MYOM2: variants seen among roughly 807,000 people sequenced by gnomAD.
The protein encoded by MYOM2 is myomesin 2, also known as myomesin-2.
A neutral mutation model predicts 187.6 loss-of-function variants in MYOM2; 254 were observed. The ratio of observed to expected loss-of-function variants is 1.35; its 90% CI spans 1.22 to 1.50. The LOEUF (loss-of-function observed/expected upper bound fraction) is 1.50. Ranked by LOEUF, MYOM2 falls within the 40% of genes most tolerant of loss-of-function variation. MYOM2 has a pLI of 0.00. For missense variants in MYOM2, 2,796 were observed against 1,924.0 expected (o/e 1.45, Z -8.48); for synonymous variants, 981 against 753.8 (o/e 1.30, Z -4.94).
intron 21 of MYOM2, 130 bp from the exon 22 acceptor site, chr8:2,106,112 C>T: frequency 2.2e-6 from 2 of 914,220 alleles, no homozygotes; most frequent in Non-Finnish European, 1.7e-6. Flanking sequence ...ACTCCCTCTA[C>T]ACTTGGGGAT....
intron 25 of MYOM2, among the ~76,000 whole-genome samples, chr8:2,115,287 A>G (rs1797203226): frequency 6.6e-6 from 1 of 152,226 alleles, no homozygotes; most frequent in African/African-American, 2.4e-5. Context: ...AATCAGAGGG[A>G]AACAAAAGAT....
At position 2,069,477 on chromosome 8, in the gene MYOM2, C is replaced by T. The variant is rs567616599; in HGVS notation, c.773C>T (p.Ser258Leu). 1.9e-5 allele frequency: 30 copies of T among 1,614,172 alleles called. 1 individual carries two copies. The highest frequency in any genetic ancestry group is 3.3e-5 in the Admixed American group (2 of 60,032). ...CGGGGAGACGAGGAACCATTCCGTT[C>T]GGTGGGACTCCCGATTGGATGTAAG... ...RFRGDEEPFR[S>L]VGLPIGLPLS... The change falls in exon 8 of 37, where the codon TCG (serine) becomes TTG (leucine). Residue 258 changes from serine (S) to leucine (L), a missense_variant. Transcript: ENST00000262113.
intron 6 of MYOM2, among the ~76,000 whole-genome samples, chr8:2,066,818 T>C (rs1819034947): frequency 6.6e-6 from 1 of 152,232 alleles, no homozygotes; most frequent in South Asian, 2.1e-4. Flanking sequence ...ACACTGTTGC[T>C]TTGCACCTGG....
rs1234140730 is a variant in MYOM2, at chr8:2,073,419, A to G, written c.1039A>G (p.Lys347Glu). ...QASLSFSHLH[K>E]DDEGLYTLRI... ...CTCCCTGTCCTTCAGCCACCTGCAC[A>G]AGGACGACGAGGGCCTGTACACCCT... Residue 347 changes from lysine (K) to glutamate (E), a missense_variant, in exon 10 of 37, where the codon AAG becomes GAG. Lys to Glu is a moderately conservative substitution (Grantham distance 56). Coordinates refer to ENST00000262113, the MANE Select transcript of MYOM2 (RefSeq NM_003970.4). 2 of 1,613,024 alleles carry G rather than the reference A, an allele frequency of 1.2e-6. No homozygotes were observed. The highest frequency in any genetic ancestry group is 1.7e-6 in the Non-Finnish European group (2 of 1,179,804).
At chr8:2,046,430 A>G (rs1378851198) in intron 1 of MYOM2, among the ~76,000 whole-genome samples, 1 of 152,162 alleles carries the variant, frequency 6.6e-6, no homozygotes, top group African/African-American at 2.4e-5. Context: ...GGACGCTGTC[A>G]GGAGAGTCAG....
chr8:2,097,339 A>G (rs1204403814), intron 18 of MYOM2, among the ~76,000 whole-genome samples: 1 of 152,192 alleles, frequency 6.6e-6, no homozygotes, highest in Non-Finnish European at 1.5e-5. Flanking sequence ...AATGTTCTCA[A>G]CTTAAAAATT....
chr8:2,076,990 G>T (rs974382423), intron 11 of MYOM2, among the ~76,000 whole-genome samples: 2 of 152,184 alleles, frequency 1.3e-5, no homozygotes, highest in African/African-American at 4.8e-5. Flanking sequence ...TGAAGAAAAT[G>T]AATTTAGAAA....
Position 2,078,797 on chromosome 8 carries a change from C to A in MYOM2, c.1326C>A (p.Tyr442Ter), listed in dbSNP as rs553300632. ...ATGCACCGGTGAAAATCTGCAAATACCCGGTCACAGGGCTTTTTGAAGGAA... is the reference window on the plus strand; with the variant it reads ...ATGCACCGGTGAAAATCTGCAAATAACCGGTCACAGGGCTTTTTGAAGGAA... Reference protein sequence around the residue: ...CNDAPVKICKYPVTGLFEGRS... With the variant: ...CNDAPVKICK Residue 442 changes from tyrosine (Y) to a stop codon, truncating the protein, a stop_gained, in exon 12 of 37, where the codon TAC becomes TAA. Transcript: ENST00000262113. LOFTEE classifies it high-confidence loss of function. 3 of 1,614,024 alleles carry A rather than the reference C, an allele frequency of 1.9e-6. No homozygotes were observed. Among genetic ancestry groups the A allele is most frequent in the African/African-American group, 1.3e-5 (1 of 74,914 alleles).
At chr8:2,093,316 C>T (rs1796372606) in intron 16 of MYOM2, among the ~76,000 whole-genome samples, 2 of 152,114 alleles carry the variant, frequency 1.3e-5, no homozygotes, top group Non-Finnish European at 2.9e-5. Context: ...AACATGATTC[C>T]AGTACAGGGA....
At chr8:2,073,647 C>T in intron 10 of MYOM2, 147 bp downstream of exon 10, 1 of 942,260 alleles carries the variant, frequency 1.1e-6, no homozygotes, top group Non-Finnish European at 1.5e-6. Flanking sequence ...CCCCGATTTT[C>T]CCTCAGTGCA....
intron 20 of MYOM2, chr8:2,102,028 G>T (rs561594803): frequency 6.6e-6 from 1 of 152,274 alleles, no homozygotes; most frequent in East Asian, 1.9e-4. Context: ...GCCCTGTGGT[G>T]GGGTGGGCCT....
chr8:2,127,005 G>A (rs1171242119), intron 31 of MYOM2, among the ~76,000 whole-genome samples: 2 of 151,430 alleles, frequency 1.3e-5, no homozygotes, highest in South Asian at 2.1e-4. Context: ...CACTGGGAGA[G>A]GCTGATAGAG....
At chr8:2,053,820 C>G (rs1159073899) in intron 3 of MYOM2, among the ~76,000 whole-genome samples, 1 of 152,198 alleles carries the variant, frequency 6.6e-6, no homozygotes, top group East Asian at 1.9e-4. Flanking sequence ...CTCATGCTCT[C>G]CATGAGATTT....
chr8:2,085,468 G>GTGATCTCTGCGTGGCCCCTCA (rs1819794033), intron 14 of MYOM2, 78 bp downstream of exon 14: 1 of 1,414,776 alleles, frequency 7.1e-7, no homozygotes, highest in Non-Finnish European at 9.4e-7. Context: ...GTGGCCCACC[G>GTGATCTCTGCGTGGCCCCTCA]CTGTCGTGAT....
intron 16 of MYOM2, 114 bp downstream of exon 16, chr8:2,092,634 A>G: frequency 9.0e-7 from 1 of 1,116,482 alleles, no homozygotes; most frequent in Non-Finnish European, 1.3e-6. Context: ...TGCGTAAATG[A>G]GTCTGTCTTA....
rs761514034 is a variant in MYOM2 at position 2,100,861 on chromosome 8, C to A, written c.2441-15C>A. The A allele has an allele frequency of 2.5e-6, 4 of 1,613,590 alleles. No homozygotes were observed. On this transcript the variant is annotated splice_polypyrimidine_tract_variant and intron_variant, in intron 19 of 36. Coordinates refer to ENST00000262113, the MANE Select transcript of MYOM2 (RefSeq NM_003970.4). ...GGCTATGCGCGCAGAAACAAGGTGG[C>A]ATCTGACTTCACAGGTCCTGCCTAC... is the stretch of plus-strand genomic sequence containing the variant.
At chr8:2,120,680 T>TAATATATATATA in intron 28 of MYOM2, among the ~76,000 whole-genome samples, 1 of 48,294 alleles carries the variant, frequency 2.1e-5, no homozygotes, top group East Asian at 7.6e-4. Context: ...ATATATTATA[T>TAATATATATATA]TATATATAAA....
chr8:2,107,057 G>C (rs1796917260), intron 23 of MYOM2, among the ~76,000 whole-genome samples: 1 of 152,200 alleles, frequency 6.6e-6, no homozygotes, highest in South Asian at 2.1e-4. Flanking sequence ...ACCCATGGAA[G>C]ACGGCAGAGA....
intron 25 of MYOM2, among the ~76,000 whole-genome samples, chr8:2,115,485 CCCCTGCA>C (rs1392868605): frequency 6.6e-6 from 1 of 152,210 alleles, no homozygotes; most frequent in Non-Finnish European, 1.5e-5. Flanking sequence ...TCACCTGAAA[CCCCTGCA>C]CCCTGATGGA....
Sources: allele counts gnomAD v4.1 joint callset (sites outside exome capture counted in the v4.1 genomes callset), GRCh38; gene constraint gnomAD v4.1.1; transcripts MANE v1.5; gene names NCBI Gene and HGNC (gene_info 2026-07-23, HGNC 2026-07-21).